The following TH variants were observed in gnomAD, a reference collection of about 807,000 sequenced individuals.
TH encodes tyrosine 3-monooxygenase.
Under a neutral mutation model 57.4 loss-of-function variants are expected in TH, and 49 were observed. That is an observed-to-expected ratio of 0.85 (90% CI 0.68 to 1.08). The LOEUF (loss-of-function observed/expected upper bound fraction) is 1.08. Among genes scored for constraint, TH ranks in the 50% least tolerant of loss-of-function variants. TH has a pLI of 0.00. For synonymous variants in TH, 330 were observed against 304.5 expected, an observed-to-expected ratio of 1.08 and a Z score of -0.87; for missense variants, 720 against 696.7, an observed-to-expected ratio of 1.03 and a Z score of -0.38.
Position 2,171,657 on chromosome 11 carries a change from CGG to C in TH, c.90+38_90+39del. On this transcript the variant is annotated intron_variant, in intron 1 of 12. Transcript: ENST00000352909. The surrounding 1 kb of genome is among the most constrained non-coding windows in gnomAD (Gnocchi z 8.6). ...GGCAGCTGGCACCAGCCCTGGGCTCCGGTCCACTGCGGCCGCCGGGCACCTAC... is the reference window on the plus strand; with the variant it reads ...GGCAGCTGGCACCAGCCCTGGGCTCCTCCACTGCGGCCGCCGGGCACCTAC... 5 of 1,601,006 alleles carry C rather than the reference CGG, an allele frequency of 3.1e-6. No homozygotes were observed. The highest frequency in any genetic ancestry group is 4.3e-6 in the Non-Finnish European group (5 of 1,174,856).
chr11:2,164,633 C>A (rs576074829), intron 12 of TH, among the ~76,000 whole-genome samples: 2 of 152,240 alleles, frequency 1.3e-5, no homozygotes, highest in South Asian at 4.1e-4. Flanking sequence ...CCATCCCTCC[C>A]TGAACCTCCA....
intron 9 of TH, 181 bp downstream of exon 9, chr11:2,166,299 G>T: frequency 1.1e-6 from 1 of 951,988 alleles, no homozygotes; most frequent in Non-Finnish European, 1.5e-6. Flanking sequence ...TGGCAGCACA[G>T]GCCGTGGGAG....
intron 12 of TH, 127 bp from the exon 13 acceptor site, chr11:2,164,519 C>T: frequency 9.0e-7 from 1 of 1,107,518 alleles, no homozygotes; most frequent in Non-Finnish European, 1.2e-6. Flanking sequence ...TTTTCTGAGC[C>T]AACTGGTCAC....
intron 5 of TH, 55 bp downstream of exon 5, chr11:2,167,811 G>A: frequency 1.3e-6 from 2 of 1,548,282 alleles, no homozygotes; most frequent in Middle Eastern, 1.7e-4. Flanking sequence ...CACCCCCCAG[G>A]TCCAGCGTCA....
chr11:2,170,066 G>A lies in TH; in HGVS notation c.91-195C>T, dbSNP rs768147582. ...CCTGCGGGCATTGCACGCCCTTCCC[G>A]ATGGGGGCAGCCCAGTCAGAAGCAG... On this transcript the variant is annotated intron_variant, in intron 1 of 12. Transcript: ENST00000352909. The surrounding 1 kb of genome is among the most constrained non-coding windows in gnomAD (Gnocchi z 6.0). Among the ~76,000 whole-genome samples, 8 of 152,218 alleles carry A rather than the reference G, an allele frequency of 5.3e-5. No homozygotes were observed. Among genetic ancestry groups the A allele is most frequent in the Non-Finnish European group, 1.0e-4 (7 of 68,030 alleles).
intron 9 of TH, 21 bp from the exon 10 acceptor site, chr11:2,166,079 A>C (rs201432395): frequency 6.4e-7 from 1 of 1,551,544 alleles, no homozygotes; most frequent in South Asian, 1.2e-5. Flanking sequence ...GGGAGGATGA[A>C]GGATGGGGAG....
Position 2,170,689 on chromosome 11 carries a change from C to T in TH, c.91-818G>A, listed in dbSNP as rs753403788. The T allele has an allele frequency of 4.6e-5, 74 of 1,603,762 alleles. No homozygotes were observed. The highest frequency in any genetic ancestry group is 5.7e-5 in the Non-Finnish European group (67 of 1,176,486). On this transcript the variant is annotated intron_variant, in intron 1 of 12. Transcript: ENST00000352909. This position sits in a 1 kb window ranked among gnomAD's most constrained non-coding sequence, Gnocchi z 6.0. ...CCCTCCCAGAGTCCCCTCTTACTTACCCTTGGGGTGGGGGTGTAGGATGCA... is the reference window on the plus strand; with the variant it reads ...CCCTCCCAGAGTCCCCTCTTACTTATCCTTGGGGTGGGGGTGTAGGATGCA...
chr11:2,167,366 TCA>T, intron 6 of TH, 67 bp downstream of exon 6: 1 of 1,525,454 alleles, frequency 6.6e-7, no homozygotes, highest in Non-Finnish European at 8.9e-7. Context: ...GAGGCGGCCC[TCA>T]CACGCCAGGA....
At chr11:2,167,995 A>G in intron 4 of TH, 62 bp from the exon 5 acceptor site, 1 of 1,609,598 alleles carries the variant, frequency 6.2e-7, no homozygotes, top group Non-Finnish European at 8.5e-7. Flanking sequence ...CAGGCCACGG[A>G]GGCTCCTGGA....
chr11:2,169,660 T>G lies in TH; in HGVS notation c.302A>C (p.Lys101Thr). ...AGGCCACCAGCTCACCTCAAACACC[T>G]TCACAGCTCGGGACAGCGCCGAGGG... The part of the protein sequence containing the change: ...TKPSALSRAV[K>T]VFETFEAKIH... Residue 101 changes from lysine (K) to threonine (T), a missense_variant, in exon 2 of 13, where the codon AAG becomes ACG. Coordinates refer to ENST00000352909, the MANE Select transcript of TH (RefSeq NM_000360.4). 1 of 1,613,396 alleles carries G rather than the reference T, an allele frequency of 6.2e-7. No individual in the cohort carries two copies. Among genetic ancestry groups the G allele is most frequent in the Non-Finnish European group, 8.5e-7 (1 of 1,179,918 alleles).
rs779228923 is a variant in TH at position 2,168,533 on chromosome 11, G to A, written c.445C>T (p.Arg149Cys). The change falls in exon 3 of 13, where the codon CGC (arginine) becomes TGC (cysteine). Residue 149 changes from arginine (R) to cysteine (C), a missense_variant. Arg to Cys is a radical substitution (Grantham distance 180, BLOSUM62 -3). Coordinates refer to ENST00000352909, the MANE Select transcript of TH (RefSeq NM_000360.4). ...GDLAALLSGV[R>C]QVSEDVRSPA... ...CTGCGCACGTCCTCTGACACCTGGC[G>A]CACACCACTGAGCAGGGCGGCCAGG... 9.3e-6 allele frequency: 15 copies of A among 1,612,102 alleles called. No individual in the cohort carries two copies. The highest frequency in any genetic ancestry group is 1.7e-4 in the Middle Eastern group (1 of 6,006).
In TH at chr11:2,170,763, G is replaced by T. The variant is rs775961364; in HGVS notation, c.91-892C>A. ...CGGAGAGCCTGTGAGGCTGGGCCCC[G>T]GGGCGCCCTGGGGAGGGGATGCCTG... On this transcript the variant is annotated intron_variant, in intron 1 of 12. Coordinates refer to ENST00000352909, the MANE Select transcript of TH (RefSeq NM_000360.4). This position sits in a 1 kb window ranked among gnomAD's most constrained non-coding sequence, Gnocchi z 6.0. 4 of 1,570,246 alleles carry T rather than the reference G, an allele frequency of 2.5e-6. No individual in the cohort carries two copies. Among genetic ancestry groups the T allele is most frequent in the South Asian group, 2.3e-5 (2 of 86,392 alleles).
In TH at chr11:2,166,872, C is replaced by G. The variant is rs1289211521; in HGVS notation, c.841+15G>C. 33 of 1,602,758 alleles carry G rather than the reference C, an allele frequency of 2.1e-5. No homozygotes were observed. Among genetic ancestry groups the G allele is most frequent in the Non-Finnish European group, 2.6e-5 (31 of 1,175,714 alleles). ...CCCGGCCCCCCGGCTCTGCGCCCCTCCCGTCTGGGCACACCCTTCAGGAAG... is the reference window on the plus strand; with the variant it reads ...CCCGGCCCCCCGGCTCTGCGCCCCTGCCGTCTGGGCACACCCTTCAGGAAG... On this transcript the variant is annotated intron_variant, in intron 7 of 12. Coordinates refer to ENST00000352909, the MANE Select transcript of TH (RefSeq NM_000360.4).
intron 5 of TH, 178 bp downstream of exon 5, chr11:2,167,688 G>T: frequency 9.1e-7 from 1 of 1,093,964 alleles, no homozygotes; most frequent in Non-Finnish European, 1.3e-6. Flanking sequence ...GCCCCCCTGG[G>T]CCTCAGTTTC....
chr11:2,168,264 G>T, intron 3 of TH, 85 bp from the exon 4 acceptor site: 2 of 1,485,240 alleles, frequency 1.3e-6, no homozygotes, highest in Non-Finnish European at 1.9e-6. Context: ...TCCCCTACAA[G>T]ACTTCCGGGG....
Position 2,166,559 on chromosome 11 carries a change from G to A in TH, c.978-10C>T, listed in dbSNP as rs752258129. 2.1e-5 allele frequency: 34 copies of A among 1,599,320 alleles called. No homozygotes were observed. The highest frequency in any genetic ancestry group is 4.5e-5 in the South Asian group (4 of 88,908). ...CTCGTGGCAGCAGTCCCTGCGCGTA[G>A]GAGGGAGAAGGGGGCTGAGGGGCCG... is the stretch of plus-strand genomic sequence containing the variant. On this transcript the variant is annotated splice_polypyrimidine_tract_variant and intron_variant, in intron 8 of 12. Coordinates refer to ENST00000352909, the MANE Select transcript of TH (RefSeq NM_000360.4).
At chr11:2,168,237 C>T in intron 3 of TH, 58 bp from the exon 4 acceptor site, 1 of 1,572,974 alleles carries the variant, frequency 6.4e-7, no homozygotes, top group Non-Finnish European at 8.7e-7. Flanking sequence ...GGCTGTGTCA[C>T]CCACCTTGAA....
rs896673572 is a variant in TH at position 2,167,889 on chromosome 11, A to G, written c.621T>C (p.Ala207=). 1.9e-6 allele frequency: 3 copies of G among 1,609,878 alleles called. No homozygotes were observed. The highest frequency in any genetic ancestry group is 2.7e-5 in the African/African-American group (2 of 74,964). The change falls in exon 5 of 13, where the codon GCT becomes GCC. Residue 207 remains alanine, a synonymous_variant. Coordinates refer to ENST00000352909, the MANE Select transcript of TH (RefSeq NM_000360.4). The part of the protein sequence containing the change: ...QVYRQRRKLI[A]EIAFQYRHGD... Reference sequence around the variant, plus strand: ...ACTGCCTGTACTGGAAGGCGATCTCAGCAATCAGCTTCCTGCGCTGGCGGT... The same window carrying G: ...ACTGCCTGTACTGGAAGGCGATCTCGGCAATCAGCTTCCTGCGCTGGCGGT...
In TH at chr11:2,166,059, C is replaced by A. The variant is rs1413216013; in HGVS notation, c.1048-1G>T. ...CCCCCAGGGACGCCAGGCCAATGTC[C>A]TGTGGAGCAGGGAGGATGAAGGATG... is the stretch of plus-strand genomic sequence containing the variant. On this transcript the variant is annotated splice_acceptor_variant, in intron 9 of 12. Transcript: ENST00000352909. LOFTEE classifies it high-confidence loss of function. 1.3e-6 allele frequency: 2 copies of A among 1,554,890 alleles called. No individual in the cohort carries two copies. The highest frequency in any genetic ancestry group is 4.8e-5 in the East Asian group (2 of 41,876).
Sources: allele counts gnomAD v4.1 joint callset (sites outside exome capture counted in the v4.1 genomes callset), GRCh38; gene constraint gnomAD v4.1.1; non-coding constraint Gnocchi (gnomAD v3.1); transcripts MANE v1.5; gene names NCBI Gene and HGNC (gene_info 2026-07-23, HGNC 2026-07-21).